The following CYP39A1 variants were observed in gnomAD, a reference collection of about 807,000 sequenced individuals.
CYP39A1 encodes the protein cytochrome P450 family 39 subfamily A member 1, also known as 24-hydroxycholesterol 7-alpha-hydroxylase.
CYP39A1 carries 49 observed loss-of-function variants against 58.1 expected under a neutral mutation model. The ratio of observed to expected loss-of-function variants is 0.84; its 90% CI spans 0.67 to 1.07. The LOEUF (loss-of-function observed/expected upper bound fraction) is 1.07, where lower values mean the gene tolerates loss of function less well. Ranked by LOEUF, CYP39A1 falls within the 50% of genes least tolerant of loss-of-function variation. The pLI, the probability that CYP39A1 is intolerant of heterozygous loss-of-function variation, is 0.00. For synonymous variants in CYP39A1, 209 were observed against 187.6 expected (o/e 1.11, Z -0.93); for missense variants, 531 against 539.4 (o/e 0.98, Z 0.16).
chr6:46,613,406 C>A lies in CYP39A1; in HGVS notation c.931+12012G>T, dbSNP rs184304607. ...ACAAGATTGAAATTCATGAATCCAACTGCTAACTCTCTAATCCAATGAAAA... is the reference window on the plus strand; with the variant it reads ...ACAAGATTGAAATTCATGAATCCAAATGCTAACTCTCTAATCCAATGAAAA... On this transcript the variant is annotated intron_variant, in intron 7 of 11. Transcript: ENST00000275016. Among the ~76,000 whole-genome samples the A allele has an allele frequency of 2.6e-5, 4 of 152,328 alleles. No individual in the cohort carries two copies. The East Asian group carries it at 7.7e-4, about 29-fold the overall frequency.
intron 7 of CYP39A1, among the ~76,000 whole-genome samples, chr6:46,609,414 C>CAA (rs940212245): frequency 8.0e-5 from 5 of 62,542 alleles, no homozygotes; most frequent in African/African-American, 1.2e-4. Flanking sequence ...GACTCCGTCT[C>CAA]AAAAAAAAAA....
At chr6:46,646,054 A>T (rs1343568710) in intron 1 of CYP39A1, among the ~76,000 whole-genome samples, 3 of 152,084 alleles carry the variant, frequency 2.0e-5, no homozygotes, top group Non-Finnish European at 4.4e-5. Flanking sequence ...ACAATCATGT[A>T]ATCTGCAAAT....
At chr6:46,594,256 TCA>T (rs1773011585) in intron 8 of CYP39A1, among the ~76,000 whole-genome samples, 2 of 152,090 alleles carry the variant, frequency 1.3e-5, no homozygotes, top group Admixed American at 1.3e-4. Flanking sequence ...TGTTCTAGGG[TCA>T]TTTTGTGCTC....
Position 46,588,082 on chromosome 6 carries a change from C to A in CYP39A1, c.1113G>T (p.Trp371Cys), listed in dbSNP as rs750867766. 6.3e-7 allele frequency: 1 copy of A among 1,596,684 alleles called. No homozygotes were observed. The highest frequency in any genetic ancestry group is 2.3e-5 in the East Asian group (1 of 43,664). ...GAAAATACTTTGGATTTCTATGCAG[C>A]CAAAATGGAGACAACATCAACAAGT... ...SGDLLMLSPF[W>C]LHRNPKYFPE... The change falls in exon 9 of 12, where the codon TGG becomes TGT. Residue 371 changes from tryptophan (W) to cysteine (C), a missense_variant. By Grantham distance (215) the Trp-to-Cys change is radical (BLOSUM62 -2). Transcript: ENST00000275016.
rs1050346259 is a variant in CYP39A1 at position 46,558,716 on chromosome 6, G to A, written c.1251-4862C>T. Among the ~76,000 whole-genome samples the A allele has an allele frequency of 2.1e-4, 32 of 152,034 alleles. 1 individual carries two copies. The highest frequency in any genetic ancestry group is 2.0e-3 in the Admixed American group (30 of 15,262). Reference sequence around the variant, plus strand: ...TGCATTAGGAAAAAAGGTGATTGTCGGCCGGGCACGGTGGCTCATGCCTAT... The same window carrying A: ...TGCATTAGGAAAAAAGGTGATTGTCAGCCGGGCACGGTGGCTCATGCCTAT... On this transcript the variant is annotated intron_variant, in intron 10 of 11. Transcript: ENST00000275016.
intron 1 of CYP39A1, among the ~76,000 whole-genome samples, chr6:46,643,853 G>A (rs1213733905): frequency 6.6e-6 from 1 of 152,162 alleles, no homozygotes; most frequent in African/African-American, 2.4e-5. Flanking sequence ...GTGTTACGAA[G>A]TACAGGCAGG....
At chr6:46,617,532 T>C (rs1774685656) in intron 7 of CYP39A1, among the ~76,000 whole-genome samples, 1 of 152,020 alleles carries the variant, frequency 6.6e-6, no homozygotes, top group African/African-American at 2.4e-5. Flanking sequence ...AAGATTAAAG[T>C]GGAAGCAACT....
Position 46,652,719 on chromosome 6 carries a change from G to A in CYP39A1, c.-137C>T. The A allele has an allele frequency of 9.5e-6, 7 of 734,364 alleles. No individual in the cohort carries two copies. The South Asian group carries it at 1.5e-4, about 16-fold the overall frequency. 45.5% of individuals were successfully genotyped at this position (734,364 alleles called of 1,614,324 possible). On this transcript the variant is annotated 5_prime_UTR_variant, in exon 1 of 12. It introduces an in-frame stop codon into an upstream open reading frame of the 5' UTR. Coordinates refer to ENST00000275016, the MANE Select transcript of CYP39A1 (RefSeq NM_016593.5). ...ACTTTTGCAGCTCTCCTTCGTAACT[G>A]TAGCTTCCTTCCTCTGTCCCAGTTT...
intron 7 of CYP39A1, among the ~76,000 whole-genome samples, chr6:46,603,713 C>T (rs748523003): frequency 1.1e-4 from 16 of 152,174 alleles, no homozygotes; most frequent in Non-Finnish European, 1.5e-4. Context: ...CTCGTTTACA[C>T]GTCTATGGCT....
intron 10 of CYP39A1, among the ~76,000 whole-genome samples, chr6:46,568,942 C>A (rs1330426641): frequency 1.3e-5 from 2 of 151,494 alleles, no homozygotes; most frequent in African/African-American, 4.9e-5. Context: ...AACATCATTG[C>A]GATTACATTG....
chr6:46,644,459 G>A (rs1423527949), intron 1 of CYP39A1, among the ~76,000 whole-genome samples: 1 of 152,108 alleles, frequency 6.6e-6, no homozygotes, highest in South Asian at 2.1e-4. Flanking sequence ...TTTTGAGGTT[G>A]CAGTGAGCTA....
At chr6:46,619,413 T>A (rs1445909453) in intron 7 of CYP39A1, among the ~76,000 whole-genome samples, 10 of 152,010 alleles carry the variant, frequency 6.6e-5, no homozygotes, top group Admixed American at 5.9e-4. Context: ...ACGTTGCATT[T>A]TGGTGGGGTA....
In CYP39A1 at chr6:46,616,100, CCTTT is replaced by C. The variant is rs1200988151; in HGVS notation, c.931+9314_931+9317del. On this transcript the variant is annotated intron_variant, in intron 7 of 11. Coordinates refer to ENST00000275016, the MANE Select transcript of CYP39A1 (RefSeq NM_016593.5). ...CCCTCCATCCCTCCCTCCCTTCTTT[CCTTT>C]CTTTCTTTCTCTTTCTTTTCTTTCT... 2.8e-4 allele frequency among the ~76,000 whole-genome samples: 38 copies of C among 136,382 alleles called. No individual in the cohort carries two copies. The East Asian group carries it at 5.7e-3, about 21-fold the overall frequency. The allele number at this position is 136,382 out of a possible 152,430, so 89.5% of individuals were successfully genotyped here.
Position 46,639,583 on chromosome 6 carries a change from A to G in CYP39A1, c.399T>C (p.His133=), listed in dbSNP as rs776160543. 6.2e-7 allele frequency: 1 copy of G among 1,613,978 alleles called. No individual in the cohort carries two copies. Among genetic ancestry groups the G allele is most frequent in the Non-Finnish European group, 8.5e-7 (1 of 1,180,006 alleles). Residue 133 remains histidine, a synonymous_variant, in exon 3 of 12, where the codon CAT becomes CAC. Transcript: ENST00000275016. ...LKGKMGTVNL[H]QFTGQLTEEL... Reference sequence around the variant, plus strand: ...CTTCAGTCAGTTGCCCAGTAAACTGATGGAGATTGACAGTCCCCATTTTCC... The same window carrying G: ...CTTCAGTCAGTTGCCCAGTAAACTGGTGGAGATTGACAGTCCCCATTTTCC...
chr6:46,650,654 C>T (rs1322203935), intron 1 of CYP39A1, among the ~76,000 whole-genome samples: 2 of 148,912 alleles, frequency 1.3e-5, no homozygotes, highest in Middle Eastern at 3.2e-3. Context: ...CAGGCATGTG[C>T]CACTGGACCA....
intron 10 of CYP39A1, among the ~76,000 whole-genome samples, chr6:46,575,311 T>C (rs1582317554): frequency 1.3e-5 from 2 of 152,174 alleles, no homozygotes; most frequent in East Asian, 3.9e-4. Flanking sequence ...CTCCTTTAGG[T>C]GACTTTAGCC....
intron 8 of CYP39A1, among the ~76,000 whole-genome samples, chr6:46,590,172 G>A (rs527986047): frequency 2.0e-5 from 3 of 152,242 alleles, no homozygotes; most frequent in African/African-American, 7.2e-5. Flanking sequence ...GATCAAGAGG[G>A]AGGCAAAACA....
chr6:46,644,783 C>G (rs903726630), intron 1 of CYP39A1, among the ~76,000 whole-genome samples: 2 of 152,178 alleles, frequency 1.3e-5, no homozygotes, highest in Non-Finnish European at 2.9e-5. Flanking sequence ...AATCCAGTTT[C>G]TCTGTATCCT....
intron 10 of CYP39A1, among the ~76,000 whole-genome samples, chr6:46,557,949 A>G (rs954149782): frequency 1.4e-4 from 21 of 150,408 alleles, no homozygotes; most frequent in African/African-American, 3.2e-4. Flanking sequence ...AAAAAAAAAA[A>G]AAAAAGAAAA....
Sources: allele counts gnomAD v4.1 joint callset (sites outside exome capture counted in the v4.1 genomes callset), GRCh38; gene constraint gnomAD v4.1.1; transcripts MANE v1.5; gene names NCBI Gene and HGNC (gene_info 2026-07-23, HGNC 2026-07-21).